PUS7: variants seen among roughly 807,000 people sequenced by gnomAD.
PUS7 encodes the protein pseudouridylate synthase 7 homolog.
In PUS7, 48 loss-of-function variants were observed where a neutral mutation model predicts 79.8. The ratio of observed to expected loss-of-function variants is 0.60; its 90% confidence interval spans 0.48 to 0.76. The LOEUF is 0.76. PUS7 is among the 30% of genes least tolerant of loss of function. PUS7 has a pLI of 0.00. For missense variants in PUS7, 729 were observed against 797.6 expected, an observed-to-expected ratio of 0.91 and a Z score of 1.04; for synonymous variants, 286 against 272.2, an observed-to-expected ratio of 1.05 and a Z score of -0.50.
At chr7:105,489,889 T>C (rs1586140791) in intron 7 of PUS7, among the ~76,000 whole-genome samples, 1 of 151,938 alleles carries the variant, frequency 6.6e-6, no homozygotes, top group African/African-American at 2.4e-5. Context: ...GATGCTGAGG[T>C]GGGTGGATCA....
At chr7:105,520,759 C>T (rs1235099297) in intron 1 of PUS7, among the ~76,000 whole-genome samples, 1 of 151,442 alleles carries the variant, frequency 6.6e-6, no homozygotes, top group Admixed American at 6.6e-5. Context: ...TGTTCAAGGC[C>T]GAGTGTGGTT....
rs755267307 is a variant in PUS7 at position 105,493,415 on chromosome 7, G to T, written c.842+1727C>A. On this transcript the variant is annotated intron_variant, in intron 6 of 15. Transcript: ENST00000469408. The stretch of plus-strand genomic sequence containing the variant: ...CACCCACCTATTCCTGTCAAGAATC[G>T]TCTGTTCTCTCTGGCTCAGGTACAG... Among the ~76,000 whole-genome samples, 87 of 152,304 alleles carry T rather than the reference G, an allele frequency of 5.7e-4. 1 individual carries two copies. Among genetic ancestry groups the T allele is most frequent in the Middle Eastern group, 3.4e-3 (1 of 294 alleles).
chr7:105,474,449 T>C (rs1823998975), intron 9 of PUS7, among the ~76,000 whole-genome samples: 1 of 151,982 alleles, frequency 6.6e-6, no homozygotes. Flanking sequence ...CTGACAGATA[T>C]AATACACATA....
chr7:105,506,237 A>G lies in PUS7; in HGVS notation c.435T>C (p.Asp145=). Residue 145 remains aspartate, a synonymous_variant, in exon 3 of 16, where the codon GAT becomes GAC. Transcript: ENST00000469408. ...SDFVVHEIGK[D]GRISHLNDLS... ...AGTCATTCAAATGGCTGATCCGTCC[A>G]TCTTTTCCTATTTCATGAACAACGA... The G allele has an allele frequency of 1.2e-6, 2 of 1,613,418 alleles. No homozygotes were observed. Among genetic ancestry groups the G allele is most frequent in the Admixed American group, 1.7e-5 (1 of 59,902 alleles).
In PUS7 at chr7:105,522,254, A is replaced by T. The variant is rs1170222839; in HGVS notation, c.-235T>A. ...GGGCTCGCACACGTGCGGCGCAGCG[A>T]CGCGCCGCGGCCCGACTGGACCCGC... is the stretch of plus-strand genomic sequence containing the variant. On this transcript the variant is annotated 5_prime_UTR_variant, in exon 1 of 16. Coordinates refer to ENST00000469408, the MANE Select transcript of PUS7 (RefSeq NM_019042.5). 2 of 151,644 alleles carry T rather than the reference A, an allele frequency of 1.3e-5. No individual in the cohort carries two copies. Among genetic ancestry groups the T allele is most frequent in the Non-Finnish European group, 2.9e-5 (2 of 67,868 alleles). The allele number at this position is 151,644 out of a possible 1,614,324, so 9.4% of individuals were successfully genotyped here. A position where few individuals can be genotyped will look rare whatever the true frequency, so the allele number is the denominator to read the frequency against.
intron 1 of PUS7, among the ~76,000 whole-genome samples, chr7:105,515,791 T>TTTTATTTTATTTATTTATTTA (rs1554353688): frequency 9.2e-4 from 111 of 121,262 alleles, no homozygotes; most frequent in Middle Eastern, 7.8e-3. Context: ...TTTTATTTTA[T>TTTTATTTTATTTATTTATTTA]TTTATTTATT....
At chr7:105,470,972 GC>G in intron 10 of PUS7, 124 bp from the exon 11 acceptor site, 1 of 1,050,968 alleles carries the variant, frequency 9.5e-7, no homozygotes, top group Non-Finnish European at 1.3e-6. Flanking sequence ...GCTGTTTATA[GC>G]TACCACTCAT....
chr7:105,460,537 C>T (rs1198986751), intron 14 of PUS7, among the ~76,000 whole-genome samples: 1 of 152,058 alleles, frequency 6.6e-6, no homozygotes, highest in African/African-American at 2.4e-5. Flanking sequence ...TCAAATAAAG[C>T]TTTAGATAAT....
At chr7:105,517,166 C>CTTTTTTTTTTTTTTTTTTTT (rs1289590315) in intron 1 of PUS7, among the ~76,000 whole-genome samples, 17 of 146,708 alleles carry the variant, frequency 1.2e-4, no homozygotes, top group South Asian at 2.3e-4. Flanking sequence ...CTTCACATTT[C>CTTTTTTTTTTTTTTTTTTTT]TTTTTTTGGC....
intron 1 of PUS7, among the ~76,000 whole-genome samples, chr7:105,518,396 T>C (rs1379538569): frequency 7.5e-6 from 1 of 133,914 alleles, no homozygotes; most frequent in East Asian, 1.9e-4. Context: ...CAACAGTCTC[T>C]TGTTTGTTTA....
chr7:105,475,284 C>T (rs10243444), intron 9 of PUS7, among the ~76,000 whole-genome samples: 31,437 of 151,874 alleles, frequency 0.21, 8,861 homozygotes, highest in African/African-American at 0.64. Context: ...CTCCCGGGTT[C>T]ACGCCATTCT....
At chr7:105,514,795 C>CTTTT (rs1562823601) in intron 1 of PUS7, among the ~76,000 whole-genome samples, 1 of 112,614 alleles carries the variant, frequency 8.9e-6, no homozygotes, top group African/African-American at 2.7e-5. Context: ...AATTCTCTCT[C>CTTTT]ATTTTTTTTT....
chr7:105,519,094 C>T (rs1178978465), intron 1 of PUS7, among the ~76,000 whole-genome samples: 1 of 151,892 alleles, frequency 6.6e-6, no homozygotes, highest in African/African-American at 2.4e-5. Flanking sequence ...AGTCTTAATT[C>T]TATCATATTA....
intron 9 of PUS7, among the ~76,000 whole-genome samples, chr7:105,478,990 A>G (rs1451296065): frequency 6.6e-6 from 1 of 152,232 alleles, no homozygotes. Context: ...TTACAAATTT[A>G]CAGGTTGATA....
chr7:105,486,540 G>C (rs1239230302), intron 7 of PUS7, among the ~76,000 whole-genome samples: 2 of 152,146 alleles, frequency 1.3e-5, no homozygotes, highest in Admixed American at 6.6e-5. Flanking sequence ...CCCAGGGATT[G>C]TATCCCAAGG....
At chr7:105,461,306 T>A (rs1344611186) in intron 14 of PUS7, among the ~76,000 whole-genome samples, 1 of 152,220 alleles carries the variant, frequency 6.6e-6, no homozygotes, top group Non-Finnish European at 1.5e-5. Context: ...ACTCTACACA[T>A]TTCTTCAATA....
intron 6 of PUS7, among the ~76,000 whole-genome samples, chr7:105,492,201 G>T (rs1486088941): frequency 6.6e-6 from 1 of 152,100 alleles, no homozygotes; most frequent in African/African-American, 2.4e-5. Context: ...TCAGGAGTTG[G>T]AGGCTACAGT....
chr7:105,475,332 C>T (rs916823148), intron 9 of PUS7, among the ~76,000 whole-genome samples: 6 of 152,070 alleles, frequency 3.9e-5, no homozygotes, highest in Admixed American at 2.0e-4. Context: ...ACTACAGGCG[C>T]GCGCCACCAC....
chr7:105,479,909 A>G (rs959265890), intron 9 of PUS7, among the ~76,000 whole-genome samples: 1 of 152,016 alleles, frequency 6.6e-6, no homozygotes, highest in African/African-American at 2.4e-5. Flanking sequence ...GAGGCAGGAG[A>G]ATCACTTGAA....
Sources: gnomAD v4.1 joint callset for allele counts (sites outside exome capture counted in the v4.1 genomes callset) on GRCh38, gnomAD v4.1.1 for gene constraint, MANE v1.5 for transcripts, NCBI Gene and HGNC (gene_info 2026-07-23, HGNC 2026-07-21) for gene names.